The following DDX10 variants were observed in gnomAD, a reference collection of about 807,000 sequenced individuals.
The protein encoded by DDX10 is DEAD-box helicase 10, also known as probable ATP-dependent RNA helicase DDX10.
A neutral mutation model predicts 104.3 loss-of-function variants in DDX10; 74 were observed. The ratio of observed to expected loss-of-function variants is 0.71; its 90% CI spans 0.59 to 0.86. The LOEUF (loss-of-function observed/expected upper bound fraction) is 0.86. Among genes scored for constraint, DDX10 ranks in the 40% least tolerant of loss-of-function variants. The pLI is 0.00. For synonymous variants in DDX10, 351 were observed against 353.4 expected, an observed-to-expected ratio of 0.99 and a Z score of 0.08; for missense variants, 952 against 1,040.0, an observed-to-expected ratio of 0.92 and a Z score of 1.16.
chr11:108,838,391 A>T, intron 13 of DDX10, 55 bp from the exon 14 acceptor site: 1 of 1,567,602 alleles, frequency 6.4e-7, no homozygotes, highest in Non-Finnish European at 8.6e-7. Context: ...TTGGATTGTT[A>T]ATATAAAGCA....
chr11:108,769,989 T>A lies in DDX10; in HGVS notation c.1965+46527T>A, dbSNP rs532931137. Among the ~76,000 whole-genome samples, 145 of 152,378 alleles carry A rather than the reference T, an allele frequency of 9.5e-4. 1 individual carries two copies. Among genetic ancestry groups the A allele is most frequent in the African/African-American group, 3.4e-3 (143 of 41,596 alleles). On this transcript the variant is annotated intron_variant, in intron 13 of 17. Coordinates refer to ENST00000322536, the MANE Select transcript of DDX10 (RefSeq NM_004398.4). ...ACAGCATTAGTTTTGCAAATCTCTT[T>A]AACATCTGGCTGAAGAGTTGAATAC...
At chr11:108,686,502 G>A (rs1010166657) in intron 6 of DDX10, among the ~76,000 whole-genome samples, 2 of 152,054 alleles carry the variant, frequency 1.3e-5, no homozygotes, top group African/African-American at 4.8e-5. Flanking sequence ...TAGCCTTTTC[G>A]TATTGGTTGC....
At chr11:108,732,634 A>G (rs2094313669) in intron 13 of DDX10, among the ~76,000 whole-genome samples, 1 of 152,170 alleles carries the variant, frequency 6.6e-6, no homozygotes. Context: ...TTTTCTTAGC[A>G]GTGGAGAAGT....
chr11:108,716,496 C>T (rs1477249350), intron 11 of DDX10, among the ~76,000 whole-genome samples: 2 of 152,172 alleles, frequency 1.3e-5, no homozygotes, highest in South Asian at 2.1e-4. Context: ...AAAATCCTCT[C>T]AAATGTGATT....
intron 16 of DDX10, among the ~76,000 whole-genome samples, chr11:108,864,289 CCCTTCT>C (rs1862978025): frequency 6.6e-6 from 1 of 152,080 alleles, no homozygotes; most frequent in Non-Finnish European, 1.5e-5. Flanking sequence ...TCCATCCTTA[CCCTTCT>C]CCCATCAGAA....
intron 16 of DDX10, among the ~76,000 whole-genome samples, chr11:108,857,351 A>AT (rs1862884015): frequency 6.6e-6 from 1 of 152,126 alleles, no homozygotes; most frequent in African/African-American, 2.4e-5. Context: ...GGGACAAGCC[A>AT]TTTATCTTTC....
At chr11:108,672,688 C>T (rs928234187) in intron 1 of DDX10, among the ~76,000 whole-genome samples, 6 of 152,116 alleles carry the variant, frequency 3.9e-5, no homozygotes, top group African/African-American at 9.7e-5. Context: ...TTTCCTTTTG[C>T]GAATCATGTA....
intron 13 of DDX10, among the ~76,000 whole-genome samples, chr11:108,781,323 G>C (rs1247442349): frequency 6.6e-6 from 1 of 152,118 alleles, no homozygotes; most frequent in East Asian, 1.9e-4. Flanking sequence ...GGGGACCTAG[G>C]TTGATTTCAT....
At chr11:108,830,440 T>G (rs1277689372) in intron 13 of DDX10, among the ~76,000 whole-genome samples, 1 of 152,200 alleles carries the variant, frequency 6.6e-6, no homozygotes. Flanking sequence ...TTCTGGGAGC[T>G]TTTTGGATGA....
At chr11:108,804,488 G>GA (rs1432155345) in intron 13 of DDX10, among the ~76,000 whole-genome samples, 1 of 93,892 alleles carries the variant, frequency 1.1e-5, no homozygotes, top group Non-Finnish European at 2.1e-5. Context: ...GACAGAGTGA[G>GA]ACCCTGTCTC....
intron 17 of DDX10, among the ~76,000 whole-genome samples, chr11:108,933,028 C>T (rs1025942423): frequency 4.0e-5 from 6 of 151,888 alleles, no homozygotes; most frequent in South Asian, 2.1e-4. Context: ...ATTCATGACA[C>T]TTACTAAAGA....
intron 16 of DDX10, among the ~76,000 whole-genome samples, chr11:108,916,376 C>G (rs973443058): frequency 6.6e-6 from 1 of 152,022 alleles, no homozygotes; most frequent in Non-Finnish European, 1.5e-5. Context: ...AATCCCCCCT[C>G]CCCCCAACTC....
chr11:108,754,929 A>G (rs2094342823), intron 13 of DDX10, among the ~76,000 whole-genome samples: 1 of 152,070 alleles, frequency 6.6e-6, no homozygotes, highest in African/African-American at 2.4e-5. Context: ...TGAATATGCT[A>G]GCTCAAGTGA....
rs575426324 is a variant in DDX10 at position 108,796,869 on chromosome 11, G to A, written c.1966-41577G>A. Among the ~76,000 whole-genome samples, 9 of 152,216 alleles carry A rather than the reference G, an allele frequency of 5.9e-5. No individual in the cohort carries two copies. In the South Asian group the frequency reaches 1.7e-3, roughly 28 times the overall value. On this transcript the variant is annotated intron_variant, in intron 13 of 17. Coordinates refer to ENST00000322536, the MANE Select transcript of DDX10 (RefSeq NM_004398.4). The stretch of plus-strand genomic sequence containing the variant: ...GGTTTCCTAAAAAAGGACAAGTTTG[G>A]CCTCTTCTTGCTCTCTGTTTCGTAT...
intron 17 of DDX10, among the ~76,000 whole-genome samples, chr11:108,935,791 C>CA (rs1864029801): frequency 6.6e-6 from 1 of 152,094 alleles, no homozygotes. Context: ...TCCATTTTCA[C>CA]AAAAATTTCA....
At chr11:108,724,939 C>T (rs1056055030) in intron 13 of DDX10, among the ~76,000 whole-genome samples, 1 of 151,834 alleles carries the variant, frequency 6.6e-6, no homozygotes, top group South Asian at 2.1e-4. Context: ...GTGTAATTAC[C>T]ACAATTAAGA....
At chr11:108,931,048 A>G (rs1863970134) in intron 17 of DDX10, among the ~76,000 whole-genome samples, 1 of 152,182 alleles carries the variant, frequency 6.6e-6, no homozygotes, top group Non-Finnish European at 1.5e-5. Flanking sequence ...TACCCCATTC[A>G]GTATCCCTTC....
rs1037357675 is a variant in DDX10, at chr11:108,665,094, A to G, written c.-60A>G. 6.1e-5 allele frequency: 92 copies of G among 1,505,630 alleles called. No homozygotes were observed. The highest frequency in any genetic ancestry group is 7.5e-5 in the Non-Finnish European group (85 of 1,132,102). 93.3% of individuals were successfully genotyped at this position (1,505,630 alleles called of 1,614,324 possible). On this transcript the variant is annotated 5_prime_UTR_variant, in exon 1 of 18. It removes the in-frame stop codon of an upstream open reading frame in the 5' UTR. Transcript: ENST00000322536. The stretch of plus-strand genomic sequence containing the variant: ...GCGTTTGTCCCATGCTGGTTCCGTG[A>G]GTCTGGCCTTAGGTGTCTCGTGTCT...
At chr11:108,674,462 A>T (rs116632998) in intron 2 of DDX10, among the ~76,000 whole-genome samples, 1,779 of 152,002 alleles carry the variant, frequency 0.012, 37 homozygotes, top group African/African-American at 0.041. Context: ...TTTTTTCAGT[A>T]TATTTTAATT....
Sources: gnomAD v4.1 joint callset for allele counts (sites outside exome capture counted in the v4.1 genomes callset) on GRCh38, gnomAD v4.1.1 for gene constraint, MANE v1.5 for transcripts, NCBI Gene and HGNC (gene_info 2026-07-23, HGNC 2026-07-21) for gene names.